PLD5: variants seen among roughly 807,000 people sequenced by gnomAD.
PLD5 encodes inactive phospholipase D5.
PLD5 carries 36 observed loss-of-function variants against 61.1 expected under a neutral mutation model. That is an observed-to-expected ratio of 0.59 (90% CI 0.45 to 0.78). The LOEUF is 0.78. Ranked by LOEUF, PLD5 falls within the 30% of genes least tolerant of loss-of-function variation. The probability of loss-of-function intolerance (pLI) is 0.00; values close to 1 mark genes in which losing one functional copy is unlikely to be tolerated. For synonymous variants in PLD5, 243 were observed against 242.8 expected, an observed-to-expected ratio of 1.00 and a Z score of -0.01; for missense variants, 515 against 644.4, an observed-to-expected ratio of 0.80 and a Z score of 2.17.
chr1:242,494,892 T>TTTTTTTTTTTTTTTTTC, intron 1 of PLD5, among the ~76,000 whole-genome samples: 1 of 151,096 alleles, frequency 6.6e-6, no homozygotes, highest in East Asian at 1.9e-4. Context: ...TTTTTTTTTT[T>TTTTTTTTTTTTTTTTTC]TGCTGTTTTG....
At chr1:242,359,568 C>A (rs571674724) in intron 1 of PLD5, among the ~76,000 whole-genome samples, 1 of 152,296 alleles carries the variant, frequency 6.6e-6, no homozygotes, top group Admixed American at 6.5e-5. Flanking sequence ...TCGCTGTTGT[C>A]ACTCCACTAA....
intron 1 of PLD5, among the ~76,000 whole-genome samples, chr1:242,482,211 T>C (rs767578763): frequency 1.3e-5 from 2 of 152,234 alleles, no homozygotes; most frequent in African/African-American, 2.4e-5. Context: ...GGACGGAGAA[T>C]GACTTTGACA....
intron 1 of PLD5, among the ~76,000 whole-genome samples, chr1:242,510,617 G>A (rs1297584532): frequency 2.0e-5 from 3 of 152,006 alleles, no homozygotes; most frequent in East Asian, 1.9e-4. Context: ...AGGCCGAGGC[G>A]GGTGGATCAT....
chr1:242,380,545 C>A (rs112416045), intron 1 of PLD5, among the ~76,000 whole-genome samples: 9,629 of 152,108 alleles, frequency 0.063, 363 homozygotes, highest in Admixed American at 0.098. Context: ...AGGAAATAAA[C>A]GCACATATCA....
chr1:242,470,172 T>C (rs1246191913), intron 1 of PLD5, among the ~76,000 whole-genome samples: 2 of 151,878 alleles, frequency 1.3e-5, no homozygotes, highest in Non-Finnish European at 1.5e-5. Context: ...AAACCCCGTC[T>C]CTACTAAAAA....
chr1:242,189,564 A>G (rs1668117214), intron 5 of PLD5, among the ~76,000 whole-genome samples: 7 of 147,318 alleles, frequency 4.8e-5, no homozygotes, highest in Admixed American at 4.0e-4. Context: ...TTCTAGACAC[A>G]TAGGGCCATA....
chr1:242,356,518 C>T (rs1260176582), intron 1 of PLD5, among the ~76,000 whole-genome samples: 2 of 152,072 alleles, frequency 1.3e-5, no homozygotes, highest in African/African-American at 4.8e-5. Flanking sequence ...TCATTCATCA[C>T]TCTATGTCTT....
At chr1:242,413,244 T>C (rs1339188576) in intron 1 of PLD5, among the ~76,000 whole-genome samples, 2 of 152,178 alleles carry the variant, frequency 1.3e-5, no homozygotes, top group African/African-American at 4.8e-5. Flanking sequence ...GAGGTTGGCA[T>C]TCTCAGTTAT....
intron 1 of PLD5, among the ~76,000 whole-genome samples, chr1:242,398,731 T>C (rs1044662845): frequency 6.6e-6 from 1 of 152,220 alleles, no homozygotes; most frequent in Non-Finnish European, 1.5e-5. Context: ...ACTCTCAAAA[T>C]TGCCGTCAGA....
intron 1 of PLD5, among the ~76,000 whole-genome samples, chr1:242,473,221 A>G (rs1391145554): frequency 6.6e-6 from 1 of 152,196 alleles, no homozygotes; most frequent in East Asian, 1.9e-4. Context: ...CTTGTGGATT[A>G]AAAATAACCA....
intron 2 of PLD5, among the ~76,000 whole-genome samples, chr1:242,317,576 T>C (rs1203301183): frequency 2.6e-5 from 4 of 152,202 alleles, no homozygotes; most frequent in Non-Finnish European, 5.9e-5. Context: ...GAATGAATGG[T>C]GATTTTTTTT....
intron 1 of PLD5, among the ~76,000 whole-genome samples, chr1:242,385,209 A>C (rs1217367997): frequency 6.6e-6 from 1 of 152,176 alleles, no homozygotes; most frequent in Non-Finnish European, 1.5e-5. Context: ...AGAAAAATGA[A>C]AATTTTCATT....
intron 3 of PLD5, among the ~76,000 whole-genome samples, chr1:242,274,903 G>A (rs1025199080): frequency 3.9e-5 from 6 of 152,092 alleles, no homozygotes; most frequent in South Asian, 2.1e-4. Flanking sequence ...ACTTCCTCTC[G>A]TCAGAGATTT....
At chr1:242,213,757 A>C (rs961313899) in intron 5 of PLD5, among the ~76,000 whole-genome samples, 1 of 150,812 alleles carries the variant, frequency 6.6e-6, no homozygotes, top group African/African-American at 2.4e-5. Context: ...ACTAGATTGC[A>C]CAGACACCCA....
At chr1:242,359,256 TG>T (rs1272541349) in intron 1 of PLD5, among the ~76,000 whole-genome samples, 1 of 152,168 alleles carries the variant, frequency 6.6e-6, no homozygotes, top group Non-Finnish European at 1.5e-5. Context: ...GTAGGCTTCC[TG>T]GGAAGTGTCA....
intron 1 of PLD5, among the ~76,000 whole-genome samples, chr1:242,487,908 T>A (rs985231216): frequency 6.6e-6 from 1 of 152,216 alleles, no homozygotes; most frequent in Non-Finnish European, 1.5e-5. Flanking sequence ...ATATTGTATG[T>A]ACATGTATGT....
intron 1 of PLD5, among the ~76,000 whole-genome samples, chr1:242,398,282 G>A (rs1169227484): frequency 1.3e-5 from 2 of 152,154 alleles, no homozygotes; most frequent in Non-Finnish European, 2.9e-5. Flanking sequence ...TTAACATTCT[G>A]TTCCACAGAC....
intron 1 of PLD5, among the ~76,000 whole-genome samples, chr1:242,523,488 G>A (rs571169774): frequency 6.6e-6 from 1 of 151,992 alleles, no homozygotes; most frequent in South Asian, 2.1e-4. Context: ...TGGGGAGCCC[G>A]ACGATCCGCT....
chr1:242,265,035 C>T lies in PLD5; in HGVS notation c.607+302G>A, dbSNP rs147898115. On this transcript the variant is annotated intron_variant, in intron 4 of 9. Coordinates refer to ENST00000536534, the MANE Select transcript of PLD5 (RefSeq NM_001372062.1). ...TCTATTCTGACGCGAAGTGGTTCTT[C>T]TCTGTAATCACACCGTTGAAGTGTT... Among the ~76,000 whole-genome samples, 428 of 152,294 alleles carry T rather than the reference C, an allele frequency of 2.8e-3. 2 individuals carry two copies. The highest frequency in any genetic ancestry group is 9.6e-3 in the African/African-American group (400 of 41,566).
Sources: allele counts gnomAD v4.1 joint callset (sites outside exome capture counted in the v4.1 genomes callset), GRCh38; gene constraint gnomAD v4.1.1; transcripts MANE v1.5; gene names NCBI Gene and HGNC (gene_info 2026-07-23, HGNC 2026-07-21).